The following ATP8B3 variants were observed in gnomAD, a reference collection of about 807,000 sequenced individuals.
The protein encoded by ATP8B3 is phospholipid-transporting ATPase IK.
ATP8B3 carries 141 observed loss-of-function variants against 140.9 expected under a neutral mutation model. The observed-to-expected ratio is 1.00, with a 90% CI of 0.87 to 1.15. The LOEUF (loss-of-function observed/expected upper bound fraction) is 1.15. Ranked by LOEUF, ATP8B3 falls within the 50% of genes most tolerant of loss-of-function variation. The probability of loss-of-function intolerance (pLI) is 0.00; values close to 1 mark genes in which losing one functional copy is unlikely to be tolerated. For synonymous variants in ATP8B3, 765 were observed against 714.6 expected, an observed-to-expected ratio of 1.07 and a Z score of -1.13; for missense variants, 1,874 against 1,740.6, an observed-to-expected ratio of 1.08 and a Z score of -1.36.
In ATP8B3 at chr19:1,800,034, C is replaced by T. The variant is rs767089037; in HGVS notation, c.1465G>A (p.Val489Met). The T allele has an allele frequency of 3.1e-6, 5 of 1,603,506 alleles. No individual in the cohort carries two copies. The highest frequency in any genetic ancestry group is 4.3e-6 in the Non-Finnish European group (5 of 1,175,278). ...GTCTTGTCCGAGAAGATGTATTCCA[C>T]CTGGCCCAGGTGGTCGTTGAGGCTG... ...STSLNDHLGQ[V>M]EYIFSDKTGT... The change falls in exon 14 of 29, where the codon GTG becomes ATG. Residue 489 changes from valine (V) to methionine (M), a missense_variant. Physicochemically the swap from Val to Met is conservative, Grantham distance 21. Transcript: ENST00000310127. The surrounding 1 kb of genome is among the most constrained non-coding windows in gnomAD (Gnocchi z 4.4).
chr19:1,789,465 A>G lies in ATP8B3; in HGVS notation c.2741T>C (p.Val914Ala), dbSNP rs370081945. ...SKCQAVICCR[V>A]TPKQKALIVA... is the part of the protein sequence containing the mutation. Reference sequence around the variant, plus strand: ...GATCAGGGCCTTCTGCTTGGGCGTCACGCGGCAGCAGATGACCGCCTGGCA... The same window carrying G: ...GATCAGGGCCTTCTGCTTGGGCGTCGCGCGGCAGCAGATGACCGCCTGGCA... The change falls in exon 23 of 29, where the codon GTG (valine) becomes GCG (alanine). Residue 914 changes from valine to alanine, a missense_variant. Val to Ala is a moderately conservative substitution (Grantham distance 64). This residue lies in a region of ATP8B3 where 840 missense variants were observed against 760.9 expected (regional missense o/e 1.10). Transcript: ENST00000310127. 1.3e-6 allele frequency: 2 copies of G among 1,597,090 alleles called. No homozygotes were observed. Among genetic ancestry groups the G allele is most frequent in the African/African-American group, 2.7e-5 (2 of 74,234 alleles).
intron 24 of ATP8B3, 50 bp downstream of exon 24, chr19:1,788,847 G>C: frequency 2.7e-6 from 4 of 1,498,534 alleles, no homozygotes; most frequent in Non-Finnish European, 3.6e-6. Context: ...GGGAGGGGCA[G>C]GGCATCCCCA....
At chr19:1,798,351 C>T (rs1249640899) in intron 14 of ATP8B3, among the ~76,000 whole-genome samples, 1 of 152,016 alleles carries the variant, frequency 6.6e-6, no homozygotes, top group Non-Finnish European at 1.5e-5. Flanking sequence ...TCAAACTACA[C>T]CCCACCACAT....
chr19:1,789,349 G>A lies in ATP8B3; in HGVS notation c.2845+12C>T. ...CGTCCCAGGCACCCCCAGCCCCGCCGCCGCCACCCACTCTTGATCATGTTG... is the reference window on the plus strand; with the variant it reads ...CGTCCCAGGCACCCCCAGCCCCGCCACCGCCACCCACTCTTGATCATGTTG... On this transcript the variant is annotated intron_variant, in intron 23 of 28. Transcript: ENST00000310127. 7.5e-7 allele frequency: 1 copy of A among 1,335,356 alleles called. No individual in the cohort carries two copies. Among genetic ancestry groups the A allele is most frequent in the African/African-American group, 1.7e-5 (1 of 60,394 alleles). 82.7% of individuals were successfully genotyped at this position (1,335,356 alleles called of 1,614,324 possible).
intron 12 of ATP8B3, 72 bp downstream of exon 12, chr19:1,801,884 G>A: frequency 8.4e-7 from 1 of 1,195,942 alleles, no homozygotes; most frequent in African/African-American, 1.5e-5. Context: ...GGAAACTGAG[G>A]CCTGGAAGAT....
chr19:1,799,287 A>T (rs1215557188), intron 14 of ATP8B3: 1 of 151,542 alleles, frequency 6.6e-6, no homozygotes. Context: ...GTGAAACCCC[A>T]TCTCTACTGA....
intron 26 of ATP8B3, 77 bp from the exon 27 acceptor site, chr19:1,785,374 G>A (rs1342923458): frequency 6.4e-7 from 1 of 1,552,702 alleles, no homozygotes; most frequent in East Asian, 2.3e-5. Context: ...GGTCCAGGAA[G>A]GGCACCTGGC....
At chr19:1,792,355 G>A (rs887711773) in intron 18 of ATP8B3, among the ~76,000 whole-genome samples, 9 of 152,210 alleles carry the variant, frequency 5.9e-5, no homozygotes, top group Admixed American at 2.0e-4. Context: ...TGAGGCAGGC[G>A]GATCATTTGA....
In ATP8B3 at chr19:1,782,936, C is replaced by G; in HGVS notation, c.*92G>C. ...TTGTCTATCCATAGAAAATGATGAG[C>G]TAGGTGTAGGGGGGAGCTGTACTTC... On this transcript the variant is annotated 3_prime_UTR_variant, in exon 29 of 29. Transcript: ENST00000310127. The G allele has an allele frequency of 6.9e-7, 1 of 1,457,464 alleles. No individual in the cohort carries two copies. Among genetic ancestry groups the G allele is most frequent in the South Asian group, 1.3e-5 (1 of 76,412 alleles). 90.3% of individuals were successfully genotyped at this position (1,457,464 alleles called of 1,614,324 possible).
Position 1,782,158 on chromosome 19 carries a change from AT to A in ATP8B3, c.*869del, listed in dbSNP as rs1396986411. ...TTGTCTTTAGAGGAAGGCCCCCTGCATGCTGGTTGACTTGCAGCAGAACTGG... is the reference window on the plus strand; with the variant it reads ...TTGTCTTTAGAGGAAGGCCCCCTGCAGCTGGTTGACTTGCAGCAGAACTGG... On this transcript the variant is annotated 3_prime_UTR_variant, in exon 29 of 29. Transcript: ENST00000310127. 4.7e-6 allele frequency: 1 copy of A among 211,390 alleles called. No homozygotes were observed. Among genetic ancestry groups the A allele is most frequent in the African/African-American group, 2.3e-5 (1 of 42,912 alleles). 13.1% of individuals were successfully genotyped at this position (211,390 alleles called of 1,614,324 possible).
At chr19:1,791,933 T>C in intron 19 of ATP8B3, 68 bp downstream of exon 19, 2 of 1,590,248 alleles carry the variant, frequency 1.3e-6, no homozygotes, top group Non-Finnish European at 1.7e-6. Context: ...GGCAGGAGAG[T>C]CCCAGGGCCC....
chr19:1,806,751 C>T lies in ATP8B3; in HGVS notation c.616-62G>A, dbSNP rs1036886291. 7.2e-6 allele frequency: 11 copies of T among 1,521,318 alleles called. No homozygotes were observed. In the African/African-American group the frequency reaches 1.2e-4, roughly 17 times the overall value. 94.2% of individuals were successfully genotyped at this position (1,521,318 alleles called of 1,614,324 possible). On this transcript the variant is annotated intron_variant, in intron 6 of 28. Coordinates refer to ENST00000310127, the MANE Select transcript of ATP8B3 (RefSeq NM_138813.4). The surrounding 1 kb of genome is among the most constrained non-coding windows in gnomAD (Gnocchi z 5.6). ...GCCTCTCCTGCCCCCGCCCAGGCCG[C>T]TGCCGCACTGCAGCCCAGCAGTGCC...
At chr19:1,804,063 G>A (rs1294862203) in intron 10 of ATP8B3, among the ~76,000 whole-genome samples, 1 of 152,132 alleles carries the variant, frequency 6.6e-6, no homozygotes, top group East Asian at 1.9e-4. Flanking sequence ...AAAAGATTCT[G>A]TCCTCAAACC....
chr19:1,802,483 G>A lies in ATP8B3; in HGVS notation c.1063+4C>T, dbSNP rs62127697. ...CCCACTCCAGGACCCTGGAGCAGCC[G>A]TACCAGCATAAATGACCAGTCCATA... is the stretch of plus-strand genomic sequence containing the variant. On this transcript the variant is annotated splice_donor_region_variant and intron_variant, in intron 11 of 28. Transcript: ENST00000310127. 148,820 of 1,365,026 alleles carry A rather than the reference G, an allele frequency of 0.11. 8,026 individuals are homozygous for A. The highest frequency in any genetic ancestry group is 0.2 in the African/African-American group (10,552 of 53,724). 84.6% of individuals were successfully genotyped at this position (1,365,026 alleles called of 1,614,324 possible). A position where few individuals can be genotyped will look rare whatever the true frequency, so the allele number is the denominator to read the frequency against.
intron 4 of ATP8B3, 92 bp from the exon 5 acceptor site, chr19:1,808,427 C>A: frequency 1.2e-6 from 1 of 854,050 alleles, no homozygotes; most frequent in Non-Finnish European, 1.9e-6. Flanking sequence ...CACTTGGCCT[C>A]GCCCAGCATC....
At position 1,794,983 on chromosome 19, in the gene ATP8B3, G is replaced by T. The variant is rs907070628; in HGVS notation, c.2055+892C>A. On this transcript the variant is annotated intron_variant, in intron 18 of 28. Transcript: ENST00000310127. The surrounding 1 kb of genome is among the most constrained non-coding windows in gnomAD (Gnocchi z 4.8). ...GAGAAAAATACACCCTTGGCCGGGC[G>T]CGGTGGCCTACGCCTGTAATCCCAG... Among the ~76,000 whole-genome samples the T allele has an allele frequency of 1.3e-5, 2 of 152,178 alleles. No individual in the cohort carries two copies. Among genetic ancestry groups the T allele is most frequent in the Non-Finnish European group, 2.9e-5 (2 of 68,042 alleles).
chr19:1,788,628 T>C (rs990676844), intron 24 of ATP8B3, among the ~76,000 whole-genome samples: 3 of 152,148 alleles, frequency 2.0e-5, no homozygotes, highest in Non-Finnish European at 4.4e-5. Flanking sequence ...CCAGCCTGGG[T>C]GACAGAGTGA....
rs2068694706 is a variant in ATP8B3, at chr19:1,796,858, T to C, written c.1606A>G (p.Lys536Glu). 6.2e-7 allele frequency: 1 copy of C among 1,612,180 alleles called. No homozygotes were observed. Among genetic ancestry groups the C allele is most frequent in the African/African-American group, 1.3e-5 (1 of 74,868 alleles). Residue 536 changes from lysine to glutamate, a missense_variant, in exon 16 of 29, where the codon AAG (lysine) becomes GAG (glutamate). By Grantham distance (56) the Lys-to-Glu change is moderately conservative. Transcript: ENST00000310127. The stretch of plus-strand genomic sequence containing the variant: ...AAGAGCAGCTTCCCGTCGGCGAACT[T>C]GTTCCAGAGGTAGGGGTTCTCCTGG... The part of the protein sequence containing the change: ...RPKENPYLWN[K>E]FADGKLLFHN...
Position 1,796,162 on chromosome 19 carries a change from C to T in ATP8B3, c.1857G>A (p.Thr619=), listed in dbSNP as rs761389529. 4.3e-6 allele frequency: 7 copies of T among 1,612,838 alleles called. No homozygotes were observed. Among genetic ancestry groups the T allele is most frequent in the South Asian group, 1.1e-5 (1 of 91,088 alleles). Residue 619 remains threonine, a synonymous_variant, in exon 17 of 29, where the codon ACG becomes ACA. Coordinates refer to ENST00000310127, the MANE Select transcript of ATP8B3 (RefSeq NM_138813.4). ...CCCGTTCCTCCCCCAGCTCCATGAT[C>T]GTGACGGTGTCCTGGGTGCGGGACA... is the stretch of plus-strand genomic sequence containing the variant. ...VFLSRTQDTV[T]IMELGEERVY...
Sources: allele counts gnomAD v4.1 joint callset (sites outside exome capture counted in the v4.1 genomes callset), GRCh38; gene constraint gnomAD v4.1.1; regional missense constraint gnomAD v4.1.1; non-coding constraint Gnocchi (gnomAD v3.1); transcripts MANE v1.5; gene names NCBI Gene and HGNC (gene_info 2026-07-23, HGNC 2026-07-21).